The following CAPN3 variants were observed in gnomAD, a reference collection of about 807,000 sequenced individuals.
CAPN3 encodes calpain-3.
A neutral mutation model predicts 114.0 loss-of-function variants in CAPN3; 88 were observed. The ratio of observed to expected loss-of-function variants is 0.77; its 90% CI spans 0.65 to 0.92. CAPN3 has a LOEUF of 0.92. Among genes scored for constraint, CAPN3 ranks in the 40% least tolerant of loss-of-function variants. CAPN3 has a pLI of 0.00. For synonymous variants in CAPN3, 386 were observed against 382.9 expected, an observed-to-expected ratio of 1.01 and a Z score of -0.09; for missense variants, 1,028 against 1,069.0, an observed-to-expected ratio of 0.96 and a Z score of 0.53.
intron 15 of CAPN3, among the ~76,000 whole-genome samples, chr15:42,406,410 A>C (rs1255505420): frequency 5.9e-5 from 9 of 152,128 alleles, no homozygotes; most frequent in Admixed American, 5.9e-4. Flanking sequence ...GATCCATCAC[A>C]GGGGTCCTCC....
At position 42,412,165 on chromosome 15, in the gene CAPN3, C is replaced by T. The variant is rs2054280062; in HGVS notation, c.*392C>T. On this transcript the variant is annotated 3_prime_UTR_variant, in exon 24 of 24. Coordinates refer to ENST00000397163, the MANE Select transcript of CAPN3 (RefSeq NM_000070.3). ...CTCCATCACCTTCACGCTGTCCCAC[C>T]ATGGGCCAGGAACCAAACCAGCACT... 1.3e-6 allele frequency: 2 copies of T among 1,536,040 alleles called. No individual in the cohort carries two copies. Among genetic ancestry groups the T allele is most frequent in the African/African-American group, 1.4e-5 (1 of 73,048 alleles).
At chr15:42,363,359 G>A (rs537688646) in intron 1 of CAPN3, among the ~76,000 whole-genome samples, 37 of 152,298 alleles carry the variant, frequency 2.4e-4, no homozygotes, top group African/African-American at 8.4e-4. Context: ...GAATAGAATG[G>A]GTTCTAGAAC....
chr15:42,402,062 C>T, intron 11 of CAPN3, 62 bp from the exon 12 acceptor site: 1 of 1,609,604 alleles, frequency 6.2e-7, no homozygotes, highest in Non-Finnish European at 8.5e-7. Context: ...CTGGCATTGC[C>T]TTCCGCAGGC....
At chr15:42,408,789 CAA>C (rs2054103710) in intron 16 of CAPN3, 1 of 319,812 alleles carries the variant, frequency 3.1e-6, no homozygotes, top group South Asian at 2.8e-5. Context: ...GCCTTAGAGG[CAA>C]AAGTCTCCAG....
At chr15:42,405,350 A>G (rs1050219283) in intron 14 of CAPN3, among the ~76,000 whole-genome samples, 1 of 152,132 alleles carries the variant, frequency 6.6e-6, no homozygotes, top group Non-Finnish European at 1.5e-5. Flanking sequence ...CACTCTTGTC[A>G]CCCAGGCTGG....
At chr15:42,404,741 C>G in intron 14 of CAPN3, 1 of 1,148,618 alleles carries the variant, frequency 8.7e-7, no homozygotes, top group Non-Finnish European at 1.1e-6. Flanking sequence ...AGGACAAATG[C>G]CCCTCTGAAC....
rs371166254 is a variant in CAPN3 at position 42,387,847 on chromosome 15, A to G, written c.593A>G (p.Asn198Ser). The G allele has an allele frequency of 3.5e-5, 56 of 1,614,104 alleles. No homozygotes were observed. Among genetic ancestry groups the G allele is most frequent in the African/African-American group, 8.0e-5 (6 of 74,940 alleles). Residue 198 changes from asparagine (N) to serine (S), a missense_variant, in exon 4 of 24, where the codon AAT becomes AGT. Coordinates refer to ENST00000397163, the MANE Select transcript of CAPN3 (RefSeq NM_000070.3). The stretch of plus-strand genomic sequence containing the variant: ...GTTTTCACCAAGTCCAACCACCGCA[A>G]TGAGTTCTGGAGTGCTCTGCTGGAG... ...QLVFTKSNHR[N>S]EFWSALLEKA...
At position 42,402,999 on chromosome 15, in the gene CAPN3, CTGAG is replaced by C. The variant is rs794727082; in HGVS notation, c.1745+4_1745+7del. 6 of 1,613,586 alleles carry C rather than the reference CTGAG, an allele frequency of 3.7e-6. No homozygotes were observed. The highest frequency in any genetic ancestry group is 2.7e-5 in the African/African-American group (2 of 74,930). On this transcript the variant is annotated splice_donor_variant and coding_sequence_variant, in exon 13 of 24. Coordinates refer to ENST00000397163, the MANE Select transcript of CAPN3 (RefSeq NM_000070.3). LOFTEE classifies it high-confidence loss of function. ...GTCTTCTCTGAAAAGAGGAACCTCTCTGAGTGAGTGCTGGCCCAGCTTTCCCACG... is the reference window on the plus strand; with the variant it reads ...GTCTTCTCTGAAAAGAGGAACCTCTCTGAGTGCTGGCCCAGCTTTCCCACG...
Position 42,389,024 on chromosome 15 carries a change from TG to T in CAPN3, c.730del (p.Ala244LeufsTer9). 1.4e-5 allele frequency: 22 copies of T among 1,614,078 alleles called. No homozygotes were observed. The highest frequency in any genetic ancestry group is 1.9e-5 in the Non-Finnish European group (22 of 1,180,000). On this transcript the variant is annotated frameshift_variant, in exon 5 of 24. Transcript: ENST00000397163. LOFTEE classifies it high-confidence loss of function. ...GVAEFFEIRDAPSDMYKIMKK... is the reference protein window; with the variant it reads ...GVAEFFEIRDXPSDMYKIMKK... ...TGGCAGAGTTTTTTGAGATCAGGGA[TG>T]CTCCTAGTGACATGTACAAGATCAT...
chr15:42,371,810 A>G (rs2052955598), intron 1 of CAPN3, among the ~76,000 whole-genome samples: 1 of 152,078 alleles, frequency 6.6e-6, no homozygotes, highest in South Asian at 2.1e-4. Flanking sequence ...CTAAAAATAC[A>G]AAAATTAGCT....
At chr15:42,401,886 G>T in intron 11 of CAPN3, 76 bp downstream of exon 11, 1 of 1,497,546 alleles carries the variant, frequency 6.7e-7, no homozygotes, top group Non-Finnish European at 9.1e-7. Context: ...TTCTAGAGGG[G>T]CCCTCTGGCT....
At chr15:42,402,594 C>T in intron 12 of CAPN3, 200 bp from the exon 13 acceptor site, 2 of 1,501,918 alleles carry the variant, frequency 1.3e-6, no homozygotes, top group Non-Finnish European at 1.8e-6. Flanking sequence ...ACACATTTGC[C>T]ATTCACTCTG....
At chr15:42,371,993 A>C (rs893280771) in intron 1 of CAPN3, among the ~76,000 whole-genome samples, 7 of 127,264 alleles carry the variant, frequency 5.5e-5, no homozygotes, top group African/African-American at 2.6e-4. Flanking sequence ...CTTAAAAATT[A>C]AAAAAAAAAA....
chr15:42,397,373 G>C (rs2053726601), intron 9 of CAPN3, among the ~76,000 whole-genome samples: 1 of 152,188 alleles, frequency 6.6e-6, no homozygotes, highest in Admixed American at 6.5e-5. Flanking sequence ...CGGGCGCGGT[G>C]GCTCACGCCT....
intron 10 of CAPN3, among the ~76,000 whole-genome samples, chr15:42,401,242 A>G (rs2053853164): frequency 6.6e-6 from 1 of 152,050 alleles, no homozygotes; most frequent in African/African-American, 2.4e-5. Context: ...TGGCTCAGGC[A>G]TCATGCGCGT....
At chr15:42,411,418 A>AC (rs1292171970) in intron 23 of CAPN3, 73 bp downstream of exon 23, 16 of 1,331,964 alleles carry the variant, frequency 1.2e-5, no homozygotes, top group African/African-American at 4.3e-5. Context: ...GGCGGACTGG[A>AC]CCCAGGGTGT....
Position 42,359,506 on chromosome 15 carries a change from C to G in CAPN3, c.-300C>G, listed in dbSNP as rs886051147. ...GCCACTGAAACACAACCCTCACTCT[C>G]TTTCTCTCTCCCTCTGGCATGCATG... On this transcript the variant is annotated 5_prime_UTR_variant, in exon 1 of 24. Transcript: ENST00000397163. The G allele has an allele frequency of 9.8e-5, 123 of 1,257,366 alleles. No individual in the cohort carries two copies. The highest frequency in any genetic ancestry group is 4.9e-4 in the South Asian group (26 of 53,114). 77.9% of individuals were successfully genotyped at this position (1,257,366 alleles called of 1,614,324 possible).
In CAPN3 at chr15:42,389,079, A is replaced by T. The variant is rs565901676; in HGVS notation, c.784A>T (p.Met262Leu). Residue 262 changes from methionine (M) to leucine (L), a missense_variant, in exon 5 of 24, where the codon ATG becomes TTG. Physicochemically the swap from Met to Leu is conservative, Grantham distance 15. Transcript: ENST00000397163. ...GAAAGCCATCGAGAGAGGCTCCCTCATGGGCTGCTCCATTGATGTAAGTCT... is the reference window on the plus strand; with the variant it reads ...GAAAGCCATCGAGAGAGGCTCCCTCTTGGGCTGCTCCATTGATGTAAGTCT... ...MKKAIERGSL[M>L]GCSIDDGTNM... The T allele has an allele frequency of 2.5e-6, 4 of 1,614,098 alleles. No homozygotes were observed. The highest frequency in any genetic ancestry group is 3.3e-5 in the Admixed American group (2 of 60,012).
chr15:42,372,462 C>T (rs2052976173), intron 1 of CAPN3, among the ~76,000 whole-genome samples: 1 of 152,180 alleles, frequency 6.6e-6, no homozygotes, highest in Non-Finnish European at 1.5e-5. Flanking sequence ...CCCAGCCTGC[C>T]TTGAACATCT....
Sources: allele counts gnomAD v4.1 joint callset (sites outside exome capture counted in the v4.1 genomes callset), GRCh38; gene constraint gnomAD v4.1.1; transcripts MANE v1.5; gene names NCBI Gene and HGNC (gene_info 2026-07-23, HGNC 2026-07-21).